GNE: variants seen among roughly 807,000 people sequenced by gnomAD.
GNE encodes bifunctional UDP-N-acetylglucosamine 2-epimerase/N-acetylmannosamine kinase.
In GNE, 41 loss-of-function variants were observed where a neutral mutation model predicts 61.8. That is an observed-to-expected ratio of 0.66 (90% CI 0.52 to 0.86). The LOEUF is 0.86. Among genes scored for constraint, GNE ranks in the 40% least tolerant of loss-of-function variants. The pLI, the probability that GNE is intolerant of heterozygous loss-of-function variation, is 0.00. For missense variants in GNE, 608 were observed against 909.1 expected (o/e 0.67, Z 4.26); for synonymous variants, 264 against 326.4 (o/e 0.81, Z 2.06).
intron 3 of GNE, among the ~76,000 whole-genome samples, chr9:36,243,945 G>C (rs1453047315): frequency 9.0e-6 from 1 of 111,204 alleles, no homozygotes; most frequent in Non-Finnish European, 1.9e-5. Flanking sequence ...TTTTTTTTTT[G>C]TTATTGTTTT....
At chr9:36,261,333 C>A (rs533937309), upstream of GNE, among the ~76,000 whole-genome samples, 1 of 150,844 alleles carries the variant, frequency 6.6e-6, no homozygotes, top group Non-Finnish European at 1.5e-5. Context: ...CTGAGGTGGG[C>A]GGATCACGAC....
chr9:36,240,739 T>C (rs978818131), intron 3 of GNE, among the ~76,000 whole-genome samples: 1 of 152,152 alleles, frequency 6.6e-6, no homozygotes, highest in South Asian at 2.1e-4. Context: ...CCAATTCTTC[T>C]TTGAATGTCT....
chr9:36,264,389 C>G (rs1019732461), intron 1 of GNE, among the ~76,000 whole-genome samples: 1 of 152,104 alleles, frequency 6.6e-6, no homozygotes, highest in African/African-American at 2.4e-5. Flanking sequence ...CCTGCCTTGG[C>G]CTACCAAAAT....
At chr9:36,226,960 T>C (rs547568856) in intron 7 of GNE, among the ~76,000 whole-genome samples, 16 of 152,322 alleles carry the variant, frequency 1.1e-4, no homozygotes, top group Non-Finnish European at 7.4e-5. Flanking sequence ...TTACCAAGTA[T>C]AGAATTTCAG....
chr9:36,251,411 A>T (rs773418589), intron 1 of GNE, among the ~76,000 whole-genome samples: 6 of 152,214 alleles, frequency 3.9e-5, no homozygotes, highest in Non-Finnish European at 5.9e-5. Context: ...GGAATTTTTT[A>T]AAAAGTTTTT....
rs750509496 is a variant in GNE, at chr9:36,215,700, C to G, written c.*1665G>C. 1 of 152,438 alleles carries G rather than the reference C, an allele frequency of 6.6e-6. No individual in the cohort carries two copies. Among genetic ancestry groups the G allele is most frequent in the Admixed American group, 6.5e-5 (1 of 15,302 alleles). 9.4% of individuals were successfully genotyped at this position (152,438 alleles called of 1,614,324 possible). A position where few individuals can be genotyped will look rare whatever the true frequency, so the allele number is the denominator to read the frequency against. ...TTCAGAGCCTGGCACACAGTAGGCA[C>G]TTAATAAGTGGTGGCAGTTAGTATT... is the stretch of plus-strand genomic sequence containing the variant. On this transcript the variant is annotated 3_prime_UTR_variant, in exon 12 of 12. Transcript: ENST00000642385.
At chr9:36,227,221 A>C (rs115052162) in intron 7 of GNE, 27 bp downstream of exon 7, 18 of 1,468,228 alleles carry the variant, frequency 1.2e-5, no homozygotes, top group Non-Finnish European at 2.9e-6. Flanking sequence ...ATGGGATATA[A>C]AGTTAGGAGT....
chr9:36,243,871 A>G (rs1829750729), intron 3 of GNE, among the ~76,000 whole-genome samples: 1 of 152,112 alleles, frequency 6.6e-6, no homozygotes, highest in Non-Finnish European at 1.5e-5. Context: ...TCCTGATGTA[A>G]TGTAATCTAG....
rs958016864 is a variant in GNE at position 36,216,534 on chromosome 9, C to T, written c.*831G>A. On this transcript the variant is annotated 3_prime_UTR_variant, in exon 12 of 12. Transcript: ENST00000642385. ...TATTTTAGTAGAGATGGGGTTTCAC[C>T]ATGTTGGCCAGGCTGGTCTTGAACT... 1 of 207,400 alleles carries T rather than the reference C, an allele frequency of 4.8e-6. No homozygotes were observed. Among genetic ancestry groups the T allele is most frequent in the Non-Finnish European group, 1.0e-5 (1 of 97,564 alleles). The allele number at this position is 207,400 out of a possible 1,614,324, so 12.8% of individuals were successfully genotyped here. A position where few individuals can be genotyped will look rare whatever the true frequency, so the allele number is the denominator to read the frequency against.
intron 10 of GNE, among the ~76,000 whole-genome samples, chr9:36,219,514 A>G (rs989088147): frequency 2.6e-5 from 4 of 152,192 alleles, no homozygotes; most frequent in African/African-American, 9.7e-5. Flanking sequence ...TATACATAAC[A>G]TGTTTTGTCC....
chr9:36,246,881 C>CT (rs1368881063), intron 2 of GNE, among the ~76,000 whole-genome samples: 1 of 151,798 alleles, frequency 6.6e-6, no homozygotes, highest in Non-Finnish European at 1.5e-5. Flanking sequence ...GTTGGCCAGG[C>CT]TGGTCTTGAA....
intron 1 of GNE, among the ~76,000 whole-genome samples, chr9:36,253,927 C>T (rs892226172): frequency 1.3e-5 from 2 of 152,048 alleles, no homozygotes; most frequent in Non-Finnish European, 2.9e-5. Context: ...AATCCCAGCA[C>T]TGAGGAGGCT....
At chr9:36,233,388 T>C (rs540617663) in intron 5 of GNE, among the ~76,000 whole-genome samples, 211 of 152,228 alleles carry the variant, frequency 1.4e-3, no homozygotes, top group Middle Eastern at 6.8e-3. Context: ...CCACTTAGGC[T>C]GGGCGCGGTG....
In GNE at chr9:36,215,156, C is replaced by G. The variant is rs1478544623; in HGVS notation, c.*2209G>C. 2 of 151,634 alleles carry G rather than the reference C, an allele frequency of 1.3e-5. No homozygotes were observed. Among genetic ancestry groups the G allele is most frequent in the East Asian group, 3.9e-4 (2 of 5,126 alleles). The allele number at this position is 151,634 out of a possible 1,614,324, so 9.4% of individuals were successfully genotyped here. ...CCTGGCCAACATGGTGAAACCCTGT[C>G]TACTAAAAATACAAAAAAAAATCAG... is the stretch of plus-strand genomic sequence containing the variant. On this transcript the variant is annotated 3_prime_UTR_variant, in exon 12 of 12. Coordinates refer to ENST00000642385, the MANE Select transcript of GNE (RefSeq NM_005476.7).
At chr9:36,260,793 T>C (rs369096860), upstream of GNE, among the ~76,000 whole-genome samples, 2 of 136,418 alleles carry the variant, frequency 1.5e-5, no homozygotes, top group Non-Finnish European at 3.1e-5. Flanking sequence ...GGCGTGAACC[T>C]GGGAGGCGGA....
At chr9:36,246,998 C>T (rs1486736394) in intron 2 of GNE, among the ~76,000 whole-genome samples, 2 of 151,838 alleles carry the variant, frequency 1.3e-5, no homozygotes, top group Non-Finnish European at 2.9e-5. Flanking sequence ...AAGAAAGAGA[C>T]TAAACTTTTA....
rs1283654168 is a variant in GNE at position 36,218,791 on chromosome 9, C to G, written c.1817-492G>C. ...GCATGACCCCATGCCTGTCACCTCA[C>G]CTGTACACATTCCTCCTTCCTAGAA... On this transcript the variant is annotated intron_variant, in intron 10 of 11. Transcript: ENST00000642385. The surrounding 1 kb of genome is among the most constrained non-coding windows in gnomAD (Gnocchi z 4.1). Among the ~76,000 whole-genome samples, 3 of 152,214 alleles carry G rather than the reference C, an allele frequency of 2.0e-5. No homozygotes were observed. The highest frequency in any genetic ancestry group is 4.4e-5 in the Non-Finnish European group (3 of 68,048).
chr9:36,269,937 C>T (rs148323102), intron 1 of GNE, among the ~76,000 whole-genome samples: 1,879 of 152,186 alleles, frequency 0.012, 35 homozygotes, highest in African/African-American at 0.041. Context: ...GTTGGGATTA[C>T]AGGCGTGAGC....
intron 1 of GNE, among the ~76,000 whole-genome samples, chr9:36,254,219 A>AATAC (rs1830235329): frequency 6.7e-6 from 1 of 150,240 alleles, no homozygotes; most frequent in Non-Finnish European, 1.5e-5. Flanking sequence ...TAAATAAATA[A>AATAC]ATAAATAAAT....
Sources: gnomAD v4.1 joint callset for allele counts (sites outside exome capture counted in the v4.1 genomes callset) on GRCh38, gnomAD v4.1.1 for gene constraint, Gnocchi (gnomAD v3.1) non-coding constraint, MANE v1.5 for transcripts, NCBI Gene and HGNC (gene_info 2026-07-23, HGNC 2026-07-21) for gene names.